EIF2B5: variants seen among roughly 807,000 people sequenced by gnomAD.
EIF2B5 encodes the protein eukaryotic translation initiation factor 2B subunit epsilon, also known as translation initiation factor eIF2B subunit epsilon.
In EIF2B5, 38 loss-of-function variants were observed where a neutral mutation model predicts 87.3. The observed-to-expected ratio is 0.44, with a 90% CI of 0.34 to 0.57. The LOEUF is 0.57. Among genes scored for constraint, EIF2B5 ranks in the 20% least tolerant of loss-of-function variants. EIF2B5 has a pLI of 0.02. For synonymous variants in EIF2B5, 313 were observed against 339.6 expected (o/e 0.92, Z 0.86); for missense variants, 784 against 909.5 (o/e 0.86, Z 1.78).
rs766443401 is a variant in EIF2B5 at position 184,140,772 on chromosome 3, G to A, written c.1156+42G>A. The A allele has an allele frequency of 6.2e-6, 10 of 1,608,350 alleles. No homozygotes were observed. The South Asian group carries it at 1.1e-4, about 18-fold the overall frequency. On this transcript the variant is annotated intron_variant, in intron 7 of 15. Coordinates refer to ENST00000648915, the MANE Select transcript of EIF2B5 (RefSeq NM_003907.3). ...AATCAAGCCAACTATCCTAGGAACA[G>A]GAACCTGGGGGGGCCACGTCTCCAG... is the stretch of plus-strand genomic sequence containing the variant.
rs1206775309 is a variant in EIF2B5 at position 184,142,266 on chromosome 3, T to C, written c.1332T>C (p.Pro444=). ...TCGTGGGCCCAAATATCACGCTGCC[T>C]GAGGGCTCGGTGATCTCTTTGCACC... The part of the protein sequence containing the change: ...QVVVGPNITL[P]EGSVISLHPP... Residue 444 remains proline (P), a synonymous_variant, in exon 9 of 16, where the codon CCT becomes CCC. Transcript: ENST00000648915. The surrounding 1 kb of genome is among the most constrained non-coding windows in gnomAD (Gnocchi z 5.0). 1.2e-6 allele frequency: 2 copies of C among 1,614,156 alleles called. No individual in the cohort carries two copies. Among genetic ancestry groups the C allele is most frequent in the African/African-American group, 1.3e-5 (1 of 75,028 alleles).
chr3:184,141,663 T>C (rs914530172), intron 7 of EIF2B5, among the ~76,000 whole-genome samples: 1 of 152,178 alleles, frequency 6.6e-6, no homozygotes, highest in African/African-American at 2.4e-5. Flanking sequence ...ATAAGGTTTT[T>C]TGAGTTCAGA....
At chr3:184,137,860 C>T in intron 3 of EIF2B5, 38 bp from the exon 4 acceptor site, 2 of 1,614,190 alleles carry the variant, frequency 1.2e-6, no homozygotes, top group South Asian at 1.1e-5. Context: ...AGCCCTGAGA[C>T]TGCTTTTTTG....
At position 184,142,310 on chromosome 3, in the gene EIF2B5, A is replaced by G. The variant is rs1230044867; in HGVS notation, c.1376A>G (p.Asp459Gly). The G allele has an allele frequency of 6.2e-7, 1 of 1,614,132 alleles. No individual in the cohort carries two copies. The highest frequency in any genetic ancestry group is 8.5e-7 in the Non-Finnish European group (1 of 1,180,014). The change falls in exon 9 of 16, where the codon GAT becomes GGT. Residue 459 changes from aspartate (D) to glycine (G), a missense_variant. Physicochemically the swap from Asp to Gly is moderately conservative, Grantham distance 94. Coordinates refer to ENST00000648915, the MANE Select transcript of EIF2B5 (RefSeq NM_003907.3). This position sits in a 1 kb window ranked among gnomAD's most constrained non-coding sequence, Gnocchi z 5.0. The part of the protein sequence containing the change: ...ISLHPPDAEE[D>G]EDDGEFSDDS... ...TTGCACCCTCCAGATGCAGAGGAAG[A>G]TGAAGATGATGGCGAGTTCAGTGAT...
chr3:184,138,234 C>G lies in EIF2B5; in HGVS notation c.753C>G (p.Ile251Met), dbSNP rs1474414266. 6.2e-7 allele frequency: 1 copy of G among 1,613,934 alleles called. No homozygotes were observed. The highest frequency in any genetic ancestry group is 8.5e-7 in the Non-Finnish European group (1 of 1,180,040). Residue 251 changes from isoleucine to methionine, a missense_variant, in exon 5 of 16, where the codon ATC (isoleucine) becomes ATG (methionine). Ile to Met is a conservative substitution (Grantham distance 10). Transcript: ENST00000648915. Reference sequence around the variant, plus strand: ...ATTTACTGGATTGTCATATCAGCATCTGTTCTCCTCAGGTGAGCTCTTTAG... The same window carrying G: ...ATTTACTGGATTGTCATATCAGCATGTGTTCTCCTCAGGTGAGCTCTTTAG... ...RYDLLDCHISICSPQVAQLFT... is the reference protein window; with the variant it reads ...RYDLLDCHISMCSPQVAQLFT...
In EIF2B5 at chr3:184,144,603, A is replaced by G. The variant is rs201280946; in HGVS notation, c.2002A>G (p.Met668Val). ...ALGISMAKVL[M>V]AFYQLEILAE... Reference sequence around the variant, plus strand: ...CTTTATTGGCCTTTTGCAGGTACTGATGGCTTTCTACCAGCTGGAGATCCT... The same window carrying G: ...CTTTATTGGCCTTTTGCAGGTACTGGTGGCTTTCTACCAGCTGGAGATCCT... Residue 668 changes from methionine (M) to valine (V), a missense_variant, in exon 15 of 16, where the codon ATG (methionine) becomes GTG (valine). Transcript: ENST00000648915. 35 of 1,614,030 alleles carry G rather than the reference A, an allele frequency of 2.2e-5. No individual in the cohort carries two copies. The highest frequency in any genetic ancestry group is 2.9e-5 in the Non-Finnish European group (34 of 1,179,998).
At chr3:184,137,285 A>G in intron 2 of EIF2B5, 1 of 423,624 alleles carries the variant, frequency 2.4e-6, no homozygotes, top group Non-Finnish European at 4.4e-6. Context: ...TATGGATTGC[A>G]GAAGGGGAAA....
rs755446086 is a variant in EIF2B5, at chr3:184,142,892, T to C, written c.1654+6T>C. On this transcript the variant is annotated splice_donor_region_variant and intron_variant, in intron 11 of 15. Coordinates refer to ENST00000648915, the MANE Select transcript of EIF2B5 (RefSeq NM_003907.3). The surrounding 1 kb of genome is among the most constrained non-coding windows in gnomAD (Gnocchi z 5.0). ...TCAGATGGATGACATCAAAGGTGAG[T>C]GGCAGGGGAGAAATGCGCTGGACCA... 2 of 1,611,428 alleles carry C rather than the reference T, an allele frequency of 1.2e-6. No homozygotes were observed. The highest frequency in any genetic ancestry group is 2.2e-5 in the South Asian group (2 of 90,642).
rs113994051 is a variant in EIF2B5, at chr3:184,137,705, C to T, written c.406C>T (p.Arg136Cys). 1 of 1,614,166 alleles carries T rather than the reference C, an allele frequency of 6.2e-7. No homozygotes were observed. The highest frequency in any genetic ancestry group is 8.5e-7 in the Non-Finnish European group (1 of 1,180,020). Residue 136 changes from arginine (R) to cysteine (C), a missense_variant, in exon 3 of 16, where the codon CGT becomes TGT. Transcript: ENST00000648915. ...ELYRSLGDVL[R>C]DVDAKALVRS... is the part of the protein sequence containing the mutation. ...CTATCGATCACTGGGAGATGTCCTC[C>T]GTGATGTTGATGCCAAGGCTTTGGT...
intron 7 of EIF2B5, among the ~76,000 whole-genome samples, chr3:184,141,106 A>C (rs1713614866): frequency 6.6e-6 from 1 of 152,238 alleles, no homozygotes; most frequent in Non-Finnish European, 1.5e-5. Flanking sequence ...TTTCTTGCCC[A>C]AGGTCATTGG....
intron 5 of EIF2B5, among the ~76,000 whole-genome samples, chr3:184,138,556 T>C (rs1713468666): frequency 6.6e-6 from 1 of 152,036 alleles, no homozygotes; most frequent in Admixed American, 6.6e-5. Flanking sequence ...GGTTTCACCA[T>C]GTTGGCCAGG....
intron 5 of EIF2B5, among the ~76,000 whole-genome samples, chr3:184,139,580 CTTT>C (rs752302833): frequency 7.1e-6 from 1 of 140,580 alleles, no homozygotes; most frequent in African/African-American, 2.6e-5. Context: ...TGCACCTGGC[CTTT>C]TTTTTTTTTT....
Position 184,141,964 on chromosome 3 carries a change from G to A in EIF2B5, c.1196G>A (p.Gly399Asp). Residue 399 changes from glycine (G) to aspartate (D), a missense_variant, in exon 8 of 16, where the codon GGT becomes GAT. Around this residue, in one of 3 missense-constraint regions of EIF2B5, gnomAD observed 660 missense variants for 789.5 expected, o/e 0.84. Transcript: ENST00000648915. ...VVLDQTYLWQ[G>D]VRVAAGAQIH... ...CTGGACCAGACCTACCTGTGGCAGG[G>A]TGTTCGAGTGGCGGCTGGAGCACAG... The A allele has an allele frequency of 6.2e-7, 1 of 1,614,142 alleles. No homozygotes were observed. The highest frequency in any genetic ancestry group is 8.5e-7 in the Non-Finnish European group (1 of 1,180,032).
chr3:184,137,973 T>TCGTTGCCA lies in EIF2B5; in HGVS notation c.585_592dup (p.Glu198ValfsTer8). ...AGGAGTCATCCCCCAGCCACCCAACTCGTTGCCACGAAGACAATGTGGTAG... is the reference window on the plus strand; with the variant it reads ...AGGAGTCATCCCCCAGCCACCCAACTCGTTGCCACGTTGCCACGAAGACAATGTGGTAG... On this transcript the variant is annotated frameshift_variant, in exon 4 of 16. Coordinates refer to ENST00000648915, the MANE Select transcript of EIF2B5 (RefSeq NM_003907.3). LOFTEE classifies it high-confidence loss of function. The TCGTTGCCA allele has an allele frequency of 6.2e-7, 1 of 1,614,216 alleles. No individual in the cohort carries two copies. Among genetic ancestry groups the TCGTTGCCA allele is most frequent in the Non-Finnish European group, 8.5e-7 (1 of 1,180,042 alleles).
intron 7 of EIF2B5, 88 bp downstream of exon 7, chr3:184,140,818 C>G: frequency 2.1e-6 from 3 of 1,443,572 alleles, no homozygotes; most frequent in Non-Finnish European, 2.9e-6. Context: ...GATGGCTACA[C>G]AAGGGACAGT....
intron 13 of EIF2B5, 146 bp downstream of exon 13, chr3:184,143,711 G>C: frequency 7.7e-7 from 1 of 1,294,660 alleles, no homozygotes; most frequent in East Asian, 2.5e-5. Flanking sequence ...AGCAGCCTTG[G>C]CTGGTTCAGA....
chr3:184,136,914 C>T lies in EIF2B5; in HGVS notation c.320+178C>T, dbSNP rs923447162. 7.0e-6 allele frequency: 6 copies of T among 855,992 alleles called. No homozygotes were observed. The African/African-American group carries it at 1.0e-4, about 14-fold the overall frequency. The allele number at this position is 855,992 out of a possible 1,614,324, so 53.0% of individuals were successfully genotyped here. A position where few individuals can be genotyped will look rare whatever the true frequency, so the allele number is the denominator to read the frequency against. On this transcript the variant is annotated intron_variant, in intron 2 of 15. Coordinates refer to ENST00000648915, the MANE Select transcript of EIF2B5 (RefSeq NM_003907.3). ...TGAGCAGCTGAAACTTTGTATCTGT[C>T]TGTCTTGGGTTTTCTGTGACAAAGA...
chr3:184,135,520 AGTTCTGGTGG>A lies in EIF2B5; in HGVS notation c.136_145del (p.Val46ProfsTer27). On this transcript the variant is annotated frameshift_variant, in exon 1 of 16. Transcript: ENST00000648915. LOFTEE classifies it high-confidence loss of function. The stretch of plus-strand genomic sequence containing the variant: ...AGGAACCGCCGCCGCCCCTACAAGC[AGTTCTGGTGG>A]CCGATAGCTTCGATCGCCGCTTCTT... The A allele has an allele frequency of 6.3e-7, 1 of 1,589,690 alleles. No homozygotes were observed. Among genetic ancestry groups the A allele is most frequent in the Non-Finnish European group, 8.6e-7 (1 of 1,168,922 alleles).
chr3:184,138,297 G>T (rs1339390949), intron 5 of EIF2B5, 51 bp downstream of exon 5: 1 of 1,484,478 alleles, frequency 6.7e-7, no homozygotes, highest in African/African-American at 1.4e-5. Flanking sequence ...AACTCTGTGG[G>T]TCTGTTATTG....
Sources: gnomAD v4.1 joint callset for allele counts (sites outside exome capture counted in the v4.1 genomes callset) on GRCh38, gnomAD v4.1.1 for gene constraint, gnomAD v4.1.1 regional missense constraint, Gnocchi (gnomAD v3.1) non-coding constraint, MANE v1.5 for transcripts, NCBI Gene and HGNC (gene_info 2026-07-23, HGNC 2026-07-21) for gene names.